SEPTIN12: variants seen among roughly 807,000 people sequenced by gnomAD.
The protein encoded by SEPTIN12 is septin-12.
A neutral mutation model predicts 37.7 loss-of-function variants in SEPTIN12; 42 were observed. The ratio of observed to expected loss-of-function variants is 1.11; its 90% CI spans 0.87 to 1.44. The LOEUF is 1.44. SEPTIN12 is among the 40% of genes most tolerant of loss of function. The pLI is 0.00. For missense variants in SEPTIN12, 613 were observed against 479.2 expected (o/e 1.28, Z -2.61); for synonymous variants, 254 against 196.7 (o/e 1.29, Z -2.44).
chr16:4,779,128 A>G (rs2082345328), intron 8 of SEPTIN12, among the ~76,000 whole-genome samples: 1 of 151,704 alleles, frequency 6.6e-6, no homozygotes, highest in South Asian at 2.1e-4. Context: ...ACACTGCGAG[A>G]CTCCATCTCA....
Position 4,779,753 on chromosome 16 carries a change from G to C in SEPTIN12, c.760C>G (p.Gln254Glu). 6.2e-7 allele frequency: 1 copy of C among 1,613,626 alleles called. No individual in the cohort carries two copies. Among genetic ancestry groups the C allele is most frequent in the Non-Finnish European group, 8.5e-7 (1 of 1,179,586 alleles). The change falls in exon 8 of 10, where the codon CAA becomes GAA. Residue 254 changes from glutamine (Q) to glutamate (E), a missense_variant. Gln to Glu is a conservative substitution (Grantham distance 29). Coordinates refer to ENST00000268231, the MANE Select transcript of SEPTIN12 (RefSeq NM_144605.5). The stretch of plus-strand genomic sequence containing the variant: ...CACCTCCCGTTCACCAGGTGCTCTT[G>C]GTCAGCCCCTACCACGGCAAAAGGG... ...RIPFAVVGAD[Q>E]EHLVNGRCVL...
At chr16:4,784,927 T>C (rs1036294924) in intron 4 of SEPTIN12, among the ~76,000 whole-genome samples, 4 of 151,868 alleles carry the variant, frequency 2.6e-5, no homozygotes, top group African/African-American at 9.7e-5. Context: ...CTGGCCAACA[T>C]GGGGAAATCC....
intron 2 of SEPTIN12, 80 bp downstream of exon 2, chr16:4,787,400 G>T: frequency 7.7e-7 from 1 of 1,306,810 alleles, no homozygotes; most frequent in Non-Finnish European, 1.1e-6. Context: ...GGGGCGACAG[G>T]CTGCCAAAGG....
In SEPTIN12 at chr16:4,785,802, C is replaced by T. The variant is rs766563305; in HGVS notation, c.374+5G>A. 6.3e-6 allele frequency: 10 copies of T among 1,579,938 alleles called. No homozygotes were observed. The East Asian group carries it at 1.8e-4, about 28-fold the overall frequency. On this transcript the variant is annotated splice_donor_5th_base_variant and intron_variant, in intron 4 of 9. Coordinates refer to ENST00000268231, the MANE Select transcript of SEPTIN12 (RefSeq NM_144605.5). ...TAAAAAAAAAAAAAAAGAGAGAGAA[C>T]CTACCAGTTGTCATTGTTGATCTGG...
chr16:4,786,086 C>T lies in SEPTIN12; in HGVS notation c.186G>A (p.Lys62=), dbSNP rs539861648. Residue 62 remains lysine, a synonymous_variant, in exon 3 of 10, where the codon AAG becomes AAA. Coordinates refer to ENST00000268231, the MANE Select transcript of SEPTIN12 (RefSeq NM_144605.5). ...IMVVGQSGLG[K]STMVNTLFKS... is the part of the protein sequence containing the mutation. ...TGAACAGCGTGTTCACCATCGTGGA[C>T]TTGCCCAGCCCGCTTTGCCCTGGGA... 2 of 1,611,204 alleles carry T rather than the reference C, an allele frequency of 1.2e-6. No homozygotes were observed. The highest frequency in any genetic ancestry group is 8.5e-7 in the Non-Finnish European group (1 of 1,178,172).
intron 8 of SEPTIN12, 36 bp downstream of exon 8, chr16:4,779,654 C>T (rs2082351024): frequency 7.5e-7 from 1 of 1,338,056 alleles, no homozygotes; most frequent in African/African-American, 1.4e-5. Flanking sequence ...TCCAAACTGA[C>T]CCCACCTGCA....
At chr16:4,788,507 A>C (rs893764706), upstream of SEPTIN12, 11 of 152,178 alleles carry the variant, frequency 7.2e-5, no homozygotes, top group African/African-American at 2.4e-4. Flanking sequence ...CCCCAAGTAG[A>C]ACCAGGGGCC....
chr16:4,786,152 C>CA, intron 2 of SEPTIN12, 47 bp from the exon 3 acceptor site: 1 of 1,499,968 alleles, frequency 6.7e-7, no homozygotes, highest in East Asian at 2.3e-5. Flanking sequence ...GCGTTTTAGG[C>CA]AGTTTTTCTC....
chr16:4,783,722 G>A lies in SEPTIN12; in HGVS notation c.557C>T (p.Thr186Ile). 8.7e-6 allele frequency: 14 copies of A among 1,614,096 alleles called. No homozygotes were observed. Among genetic ancestry groups the A allele is most frequent in the Non-Finnish European group, 1.2e-5 (14 of 1,180,018 alleles). ...DIEFLQRLCR[T>I]VNVVPVIARA... Reference sequence around the variant, plus strand: ...GGCAATCACGGGCACCACATTCACAGTCCGGCACAGCCGCTGCAGGAACTC... The same window carrying A: ...GGCAATCACGGGCACCACATTCACAATCCGGCACAGCCGCTGCAGGAACTC... Residue 186 changes from threonine (T) to isoleucine (I), a missense_variant, in exon 6 of 10, where the codon ACT (threonine) becomes ATT (isoleucine). Physicochemically the swap from Thr to Ile is moderately conservative, Grantham distance 89. Coordinates refer to ENST00000268231, the MANE Select transcript of SEPTIN12 (RefSeq NM_144605.5).
chr16:4,783,899 T>C (rs1294367621), intron 5 of SEPTIN12, 32 bp downstream of exon 5: 3 of 1,613,384 alleles, frequency 1.9e-6, no homozygotes, highest in Non-Finnish European at 2.5e-6. Flanking sequence ...CCCGTGCAGG[T>C]GGTCCTCGCC....
At chr16:4,783,812 T>A in intron 5 of SEPTIN12, 46 bp from the exon 6 acceptor site, 1 of 1,600,998 alleles carries the variant, frequency 6.2e-7, no homozygotes, top group Non-Finnish European at 8.6e-7. Flanking sequence ...GTGGTGAGTG[T>A]ATAAACGACA....
In SEPTIN12 at chr16:4,787,515, A is replaced by G. The variant is rs1390303454; in HGVS notation, c.131T>C (p.Met44Thr). Residue 44 changes from methionine to threonine, a missense_variant, in exon 2 of 10, where the codon ATG becomes ACG. Coordinates refer to ENST00000268231, the MANE Select transcript of SEPTIN12 (RefSeq NM_144605.5). ...GATGTTGAACTCAAACCCCATCTTC[A>G]TAGCCTTGATCTTCAGCTGGTCCAG... is the stretch of plus-strand genomic sequence containing the variant. ...AVLDQLKIKA[M>T]KMGFEFNIMV... 8.7e-6 allele frequency: 14 copies of G among 1,613,152 alleles called. No individual in the cohort carries two copies. The highest frequency in any genetic ancestry group is 1.2e-5 in the Non-Finnish European group (14 of 1,180,018).
intron 7 of SEPTIN12, 141 bp from the exon 8 acceptor site, chr16:4,779,927 G>A: frequency 1.5e-6 from 1 of 674,462 alleles, no homozygotes; most frequent in Non-Finnish European, 2.6e-6. Flanking sequence ...GAATTCCCAA[G>A]TTCAAAGACA....
rs2082404990 is a variant in SEPTIN12, at chr16:4,784,006, A to G, written c.437T>C (p.Leu146Pro). 6.2e-7 allele frequency: 1 copy of G among 1,613,950 alleles called. No individual in the cohort carries two copies. Among genetic ancestry groups the G allele is most frequent in the African/African-American group, 1.3e-5 (1 of 74,878 alleles). ...TGGGATGTGGCGCTGGCGGGTGATG[A>G]GGATCTCCTCCTGCAGGTACTGCTC... ...QYEQYLQEEI[L>P]ITRQRHIPDT... is the part of the protein sequence containing the mutation. Residue 146 changes from leucine (L) to proline (P), a missense_variant, in exon 5 of 10, where the codon CTC (leucine) becomes CCC (proline). By Grantham distance (98) the Leu-to-Pro change is moderately conservative (BLOSUM62 -3). Transcript: ENST00000268231.
At chr16:4,785,910 G>C in intron 3 of SEPTIN12, 22 bp from the exon 4 acceptor site, 1 of 1,612,738 alleles carries the variant, frequency 6.2e-7, no homozygotes, top group South Asian at 1.1e-5. Context: ...GAGCAGAGTC[G>C]GGAGAGACTG....
intron 7 of SEPTIN12, among the ~76,000 whole-genome samples, chr16:4,782,681 G>A (rs969982575): frequency 6.7e-6 from 1 of 149,758 alleles, no homozygotes; most frequent in Non-Finnish European, 1.5e-5. Flanking sequence ...TCGGCTCACC[G>A]TAACCTCCAC....
rs1400540306 is a variant in SEPTIN12 at position 4,786,145 on chromosome 16, T to G, written c.167-40A>C. The G allele has an allele frequency of 4.0e-6, 6 of 1,504,748 alleles. No homozygotes were observed. In the South Asian group the frequency reaches 7.5e-5, roughly 19 times the overall value. The allele number at this position is 1,504,748 out of a possible 1,614,324, so 93.2% of individuals were successfully genotyped here. A position where few individuals can be genotyped will look rare whatever the true frequency, so the allele number is the denominator to read the frequency against. On this transcript the variant is annotated intron_variant, in intron 2 of 9. Transcript: ENST00000268231. The stretch of plus-strand genomic sequence containing the variant: ...CGGATGACAGCAGTTAGGGTGGGCG[T>G]TTTAGGCAGTTTTTCTCTAACTCTT...
rs35853112 is a variant in SEPTIN12, at chr16:4,783,221, T to C, written c.726+241A>G. ...ACTGTGCCCGGCCCAATGTTCTCTA[T>C]ATATTCAGGATACAAGCCCCTTATT... is the stretch of plus-strand genomic sequence containing the variant. On this transcript the variant is annotated intron_variant, in intron 7 of 9. Coordinates refer to ENST00000268231, the MANE Select transcript of SEPTIN12 (RefSeq NM_144605.5). 143,271 of 533,594 alleles carry C rather than the reference T, an allele frequency of 0.27. 20,631 individuals are homozygous for C. Among genetic ancestry groups the C allele is most frequent in the South Asian group, 0.42 (20,263 of 48,804 alleles). The allele number at this position is 533,594 out of a possible 1,614,324, so 33.1% of individuals were successfully genotyped here.
chr16:4,784,685 C>T (rs2082414620), intron 4 of SEPTIN12, among the ~76,000 whole-genome samples: 1 of 151,252 alleles, frequency 6.6e-6, no homozygotes, highest in Admixed American at 6.6e-5. Flanking sequence ...CAGGAGGGTC[C>T]TTGAGCTTGG....
Sources: allele counts gnomAD v4.1 joint callset (sites outside exome capture counted in the v4.1 genomes callset), GRCh38; gene constraint gnomAD v4.1.1; transcripts MANE v1.5; gene names NCBI Gene and HGNC (gene_info 2026-07-23, HGNC 2026-07-21).